EMILIN2: variants seen among roughly 807,000 people sequenced by gnomAD.
EMILIN2 encodes the protein elastin microfibril interfacer 2, also known as EMILIN-2.
EMILIN2 carries 71 observed loss-of-function variants against 87.1 expected under a neutral mutation model. That is an observed-to-expected ratio of 0.82 (90% CI 0.67 to 0.99). The LOEUF (loss-of-function observed/expected upper bound fraction) is 0.99, where lower values mean the gene tolerates loss of function less well. EMILIN2 is among the 50% of genes least tolerant of loss of function. The pLI, the probability that EMILIN2 is intolerant of heterozygous loss-of-function variation, is 0.00. For missense variants in EMILIN2, 1,407 were observed against 1,371.8 expected, an observed-to-expected ratio of 1.03 and a Z score of -0.40; for synonymous variants, 581 against 563.4, an observed-to-expected ratio of 1.03 and a Z score of -0.44.
At chr18:2,876,045 G>A (rs1194204547) in intron 2 of EMILIN2, among the ~76,000 whole-genome samples, 1 of 147,590 alleles carries the variant, frequency 6.8e-6, no homozygotes, top group African/African-American at 2.5e-5. Context: ...GCAGTGGCGC[G>A]ATCTTAGCTC....
At position 2,913,114 on chromosome 18, in the gene EMILIN2, C is replaced by G; in HGVS notation, c.2872C>G (p.Leu958Val). 6.2e-7 allele frequency: 1 copy of G among 1,613,058 alleles called. No individual in the cohort carries two copies. Among genetic ancestry groups the G allele is most frequent in the East Asian group, 2.2e-5 (1 of 44,874 alleles). The part of the protein sequence containing the change: ...YDGRYLITAT[L>V]TPERDAYVEA... ...TGGGCGCTACCTGATCACGGCCACC[C>G]TCACCCCCGAGAGAGACGCCTACGT... Residue 958 changes from leucine (L) to valine (V), a missense_variant, in exon 8 of 8, where the codon CTC becomes GTC. Leu to Val is a conservative substitution (Grantham distance 32, BLOSUM62 1). Coordinates refer to ENST00000254528, the MANE Select transcript of EMILIN2 (RefSeq NM_032048.3).
In EMILIN2 at chr18:2,913,290, G is replaced by A. The variant is rs150567186; in HGVS notation, c.3048G>A (p.Ala1016=). ...TCCACCTCATCGTGCACCTGAAGGC[G>A]GGAGATGCAGTCAACGTCGTGGTGA... is the stretch of plus-strand genomic sequence containing the variant. ...GAFHLIVHLK[A]GDAVNVVVTG... Residue 1016 remains alanine, a synonymous_variant, in exon 8 of 8, where the codon GCG becomes GCA. Coordinates refer to ENST00000254528, the MANE Select transcript of EMILIN2 (RefSeq NM_032048.3). The A allele has an allele frequency of 2.9e-5, 46 of 1,613,230 alleles. No homozygotes were observed. The highest frequency in any genetic ancestry group is 2.0e-4 in the African/African-American group (15 of 75,024).
At chr18:2,908,785 A>G (rs1466951923) in intron 5 of EMILIN2, among the ~76,000 whole-genome samples, 158 bp from the exon 6 acceptor site, 6 of 152,196 alleles carry the variant, frequency 3.9e-5, no homozygotes, top group Non-Finnish European at 8.8e-5. Flanking sequence ...CTCTGCTTGA[A>G]GGAGGGCAGT....
At chr18:2,887,023 C>T (rs2076806510) in intron 3 of EMILIN2, among the ~76,000 whole-genome samples, 1 of 152,198 alleles carries the variant, frequency 6.6e-6, no homozygotes, top group Non-Finnish European at 1.5e-5. Flanking sequence ...TAGCCCCTTG[C>T]TTTGCTTGAG....
chr18:2,871,029 CTTTGT>C (rs923237766), intron 2 of EMILIN2, among the ~76,000 whole-genome samples: 12 of 152,138 alleles, frequency 7.9e-5, no homozygotes, highest in African/African-American at 2.4e-4. Flanking sequence ...ACTCTAATGA[CTTTGT>C]TTTAACTTGT....
intron 2 of EMILIN2, among the ~76,000 whole-genome samples, chr18:2,868,000 C>A (rs1449492157): frequency 6.6e-6 from 1 of 151,932 alleles, no homozygotes; most frequent in African/African-American, 2.4e-5. Flanking sequence ...CACCTCCCTC[C>A]CGGACGGGGT....
chr18:2,885,109 C>T lies in EMILIN2; in HGVS notation c.403C>T (p.Arg135Trp), dbSNP rs2076796892. 7 of 1,610,270 alleles carry T rather than the reference C, an allele frequency of 4.3e-6. No homozygotes were observed. Among genetic ancestry groups the T allele is most frequent in the African/African-American group, 1.3e-5 (1 of 74,750 alleles). Reference sequence around the variant, plus strand: ...GAAGACCCTCCGCCCCACGCCGGCTCGGCCTCGAAACAGCTTGAAGAAAGC... The same window carrying T: ...GAAGACCCTCCGCCCCACGCCGGCTTGGCCTCGAAACAGCTTGAAGAAAGC... The part of the protein sequence containing the change: ...PVKTLRPTPA[R>W]PRNSLKKATD... Residue 135 changes from arginine (R) to tryptophan (W), a missense_variant, in exon 3 of 8, where the codon CGG (arginine) becomes TGG (tryptophan). By Grantham distance (101) the Arg-to-Trp change is moderately radical. Transcript: ENST00000254528.
rs544579453 is a variant in EMILIN2 at position 2,848,794 on chromosome 18, T to G, written c.257+863T>G. ...TGTTTTCCACTAAGAATAAGTTGTT[T>G]GTCTTAGAGCACAGTTGTCATTACA... On this transcript the variant is annotated intron_variant, in intron 2 of 7. Transcript: ENST00000254528. This position sits in a 1 kb window ranked among gnomAD's most constrained non-coding sequence, Gnocchi z 4.1. Among the ~76,000 whole-genome samples the G allele has an allele frequency of 3.3e-5, 5 of 152,278 alleles. No individual in the cohort carries two copies. In the East Asian group the frequency reaches 9.6e-4, roughly 29 times the overall value.
intron 4 of EMILIN2, among the ~76,000 whole-genome samples, chr18:2,905,853 G>A (rs1706029581): frequency 2.6e-5 from 4 of 151,600 alleles, no homozygotes; most frequent in Admixed American, 2.0e-4. Context: ...CGAATTTGGG[G>A]GCTCAAGTGA....
At chr18:2,889,133 C>CTT (rs772439545) in intron 3 of EMILIN2, among the ~76,000 whole-genome samples, 12,748 of 84,256 alleles carry the variant, frequency 0.15, 1,236 homozygotes, top group Non-Finnish European at 0.2. Flanking sequence ...TCTTTCTTTT[C>CTT]TTTTTTTTTT....
In EMILIN2 at chr18:2,871,415, C is replaced by A. The variant is rs9956392; in HGVS notation, c.258-13549C>A. Among the ~76,000 whole-genome samples, 410 of 152,298 alleles carry A rather than the reference C, an allele frequency of 2.7e-3. 1 individual carries two copies. The highest frequency in any genetic ancestry group is 9.1e-3 in the African/African-American group (378 of 41,564). On this transcript the variant is annotated intron_variant, in intron 2 of 7. Transcript: ENST00000254528. ...AGCTGTGCTTTCAAATGCTACCCAG[C>A]TGTGTGTGCAAAACGTACTTGGGTT...
chr18:2,913,199 G>A lies in EMILIN2; in HGVS notation c.2957G>A (p.Arg986Lys). The change falls in exon 8 of 8, where the codon AGG (arginine) becomes AAG (lysine). Residue 986 changes from arginine to lysine, a missense_variant. By Grantham distance (26) the Arg-to-Lys change is conservative (BLOSUM62 2). Transcript: ENST00000254528. ...GCCCAGCTGCATACCGCTGGGTACA[G>A]GAGAGAGTTCCTGGAATACCACCGC... ...SVAQLHTAGYRREFLEYHRPP... is the reference protein window; with the variant it reads ...SVAQLHTAGYKREFLEYHRPP... 6.2e-7 allele frequency: 1 copy of A among 1,613,988 alleles called. No individual in the cohort carries two copies. The highest frequency in any genetic ancestry group is 8.5e-7 in the Non-Finnish European group (1 of 1,180,022).
upstream of EMILIN2, chr18:2,846,922 G>A (rs890953623): frequency 1.4e-5 from 14 of 991,080 alleles, no homozygotes; most frequent in Non-Finnish European, 1.6e-5. This position sits in a 1 kb window ranked among gnomAD's most constrained non-coding sequence, Gnocchi z 5.3. Context: ...TTTCGGAGAG[G>A]GAAGTGAAAT....
chr18:2,889,799 A>AC (rs749294693), intron 3 of EMILIN2, among the ~76,000 whole-genome samples: 1 of 149,050 alleles, frequency 6.7e-6, no homozygotes, highest in Non-Finnish European at 1.5e-5. Context: ...AGTAACTGAG[A>AC]CTACAGGCAC....
chr18:2,913,006 C>A (rs1234932132), intron 7 of EMILIN2, 61 bp from the exon 8 acceptor site: 4 of 1,565,492 alleles, frequency 2.6e-6, no homozygotes, highest in Non-Finnish European at 2.6e-6. Flanking sequence ...GGGCCACTTA[C>A]TACCATGGCA....
At chr18:2,851,310 C>T (rs556146251) in intron 2 of EMILIN2, among the ~76,000 whole-genome samples, 1 of 152,042 alleles carries the variant, frequency 6.6e-6, no homozygotes, top group African/African-American at 2.4e-5. Context: ...TGGTGCATAC[C>T]TGTAGTCCCA....
At chr18:2,881,659 G>T (rs2076777291) in intron 2 of EMILIN2, among the ~76,000 whole-genome samples, 1 of 152,210 alleles carries the variant, frequency 6.6e-6, no homozygotes, top group South Asian at 2.1e-4. Flanking sequence ...ACAGCTTCAT[G>T]CAGGCCTGGG....
At chr18:2,899,466 T>C (rs1384883626) in intron 4 of EMILIN2, among the ~76,000 whole-genome samples, 1 of 152,232 alleles carries the variant, frequency 6.6e-6, no homozygotes, top group African/African-American at 2.4e-5. Flanking sequence ...TCCTATGCGC[T>C]TCCATATAAA....
intron 2 of EMILIN2, among the ~76,000 whole-genome samples, chr18:2,873,413 AAAAT>A (rs1261810018): frequency 2.7e-5 from 4 of 148,420 alleles, no homozygotes; most frequent in African/African-American, 7.5e-5. Context: ...CCGTCTCAAC[AAAAT>A]AAATAAATAG....
Sources: allele counts gnomAD v4.1 joint callset (sites outside exome capture counted in the v4.1 genomes callset), GRCh38; gene constraint gnomAD v4.1.1; non-coding constraint Gnocchi (gnomAD v3.1); transcripts MANE v1.5; gene names NCBI Gene and HGNC (gene_info 2026-07-23, HGNC 2026-07-21).